Variants in EYS observed in about 807,000 individuals in gnomAD.
The protein encoded by EYS is protein eyes shut homolog.
EYS carries 250 observed loss-of-function variants against 282.1 expected under a neutral mutation model. The ratio of observed to expected loss-of-function variants is 0.89; its 90% confidence interval spans 0.80 to 0.98. EYS has a LOEUF of 0.98. Among genes scored for constraint, EYS ranks in the 50% least tolerant of loss-of-function variants. The pLI, the probability that EYS is intolerant of heterozygous loss-of-function variation, is 0.00. For missense variants in EYS, 4,016 were observed against 3,709.0 expected, an observed-to-expected ratio of 1.08 and a Z score of -2.15; for synonymous variants, 1,355 against 1,282.9, an observed-to-expected ratio of 1.06 and a Z score of -1.20.
chr6:64,754,806 A>G (rs1328649567), intron 22 of EYS, among the ~76,000 whole-genome samples: 3 of 152,144 alleles, frequency 2.0e-5, no homozygotes, highest in Non-Finnish European at 2.9e-5. Context: ...TCAAAAGTAT[A>G]AAAGCCATGT....
intron 22 of EYS, among the ~76,000 whole-genome samples, chr6:64,647,241 G>T (rs1458410118): frequency 6.6e-6 from 1 of 151,950 alleles, no homozygotes; most frequent in Non-Finnish European, 1.5e-5. Flanking sequence ...CCTGACAAAA[G>T]AATTTCTAAA....
chr6:64,963,660 T>C (rs2150107418), intron 14 of EYS, among the ~76,000 whole-genome samples: 1 of 152,252 alleles, frequency 6.6e-6, no homozygotes, highest in South Asian at 2.1e-4. Context: ...CTCATACAAT[T>C]TTAGCTATTC....
At chr6:64,854,960 GT>G (rs1018054207) in intron 19 of EYS, among the ~76,000 whole-genome samples, 1 of 151,924 alleles carries the variant, frequency 6.6e-6, no homozygotes, top group Non-Finnish European at 1.5e-5. Context: ...TGTGTTGACA[GT>G]TTTTTTAAAT....
intron 12 of EYS, among the ~76,000 whole-genome samples, chr6:65,213,477 A>G (rs191500189): frequency 2.6e-5 from 4 of 152,340 alleles, no homozygotes; most frequent in Admixed American, 2.6e-4. Context: ...TGGCTTTTCC[A>G]ACAGCATATG....
At chr6:64,049,188 C>T (rs541491717) in intron 33 of EYS, among the ~76,000 whole-genome samples, 17 of 152,196 alleles carry the variant, frequency 1.1e-4, no homozygotes, top group East Asian at 3.9e-4. Context: ...TTTAAACATA[C>T]GGAAAAGTTA....
At chr6:64,003,589 CTTAAAAA>C (rs1226424760) in intron 33 of EYS, among the ~76,000 whole-genome samples, 1 of 152,080 alleles carries the variant, frequency 6.6e-6, no homozygotes, top group African/African-American at 2.4e-5. Context: ...ACCCACAAAA[CTTAAAAA>C]TTAAAAAAAA....
chr6:65,700,785 C>A (rs1769646050), intron 1 of EYS, among the ~76,000 whole-genome samples: 1 of 152,132 alleles, frequency 6.6e-6, no homozygotes, highest in South Asian at 2.1e-4. Flanking sequence ...CACAGGAAAC[C>A]ATTTGTAATG....
intron 22 of EYS, among the ~76,000 whole-genome samples, chr6:64,660,367 G>T (rs1467447129): frequency 6.6e-6 from 1 of 151,764 alleles, no homozygotes; most frequent in Non-Finnish European, 1.5e-5. Flanking sequence ...ATTCAACATA[G>T]TGTTGGAAGT....
intron 14 of EYS, among the ~76,000 whole-genome samples, chr6:64,988,083 T>C (rs1770924489): frequency 6.6e-6 from 1 of 151,388 alleles, no homozygotes; most frequent in South Asian, 2.1e-4. Context: ...GTCTTGGTCT[T>C]TTAAGCACAG....
chr6:65,652,196 T>C (rs968432854), intron 1 of EYS, among the ~76,000 whole-genome samples: 1 of 151,984 alleles, frequency 6.6e-6, no homozygotes, highest in African/African-American at 2.4e-5. Flanking sequence ...AAAAGAAAAA[T>C]GCTTTTTGCA....
chr6:64,194,850 G>A (rs1383257064), intron 31 of EYS, among the ~76,000 whole-genome samples: 3 of 151,990 alleles, frequency 2.0e-5, no homozygotes, highest in Non-Finnish European at 1.5e-5. Flanking sequence ...TAATATAATT[G>A]TATTTACTTG....
intron 2 of EYS, among the ~76,000 whole-genome samples, chr6:65,556,160 G>T (rs1768791875): frequency 6.6e-6 from 1 of 151,920 alleles, no homozygotes; most frequent in African/African-American, 2.4e-5. Flanking sequence ...TCACATTATT[G>T]GTACCAACCT....
intron 5 of EYS, among the ~76,000 whole-genome samples, chr6:65,458,873 C>G (rs1764720026): frequency 6.6e-6 from 1 of 152,120 alleles, no homozygotes; most frequent in Admixed American, 6.6e-5. Flanking sequence ...AATAAAACAT[C>G]ATTGCAGGTA....
intron 28 of EYS, among the ~76,000 whole-genome samples, chr6:64,430,377 T>C (rs1424711694): frequency 1.3e-5 from 2 of 152,286 alleles, no homozygotes; most frequent in Admixed American, 6.5e-5. Flanking sequence ...AGTAGTTTAA[T>C]GGAAAGTAGA....
chr6:64,569,428 AAGACAAGATT>A (rs1169129795), intron 26 of EYS, among the ~76,000 whole-genome samples: 4 of 152,008 alleles, frequency 2.6e-5, no homozygotes, highest in African/African-American at 9.7e-5. Context: ...ATAAAGCATG[AAGACAAGATT>A]AGAGAAAAAA....
At chr6:64,537,725 G>C (rs1283443572) in intron 26 of EYS, among the ~76,000 whole-genome samples, 1 of 152,016 alleles carries the variant, frequency 6.6e-6, no homozygotes, top group African/African-American at 2.4e-5. Context: ...TGACAATTTT[G>C]TTATTTTAAC....
intron 5 of EYS, among the ~76,000 whole-genome samples, chr6:65,434,322 A>T (rs955994939): frequency 1.9e-4 from 28 of 144,642 alleles, no homozygotes; most frequent in African/African-American, 5.8e-4. Flanking sequence ...GGTTTGCATA[A>T]TTTTTTTTTT....
intron 1 of EYS, among the ~76,000 whole-genome samples, chr6:65,689,873 G>A (rs1359234778): frequency 6.7e-6 from 1 of 149,606 alleles, no homozygotes; most frequent in Non-Finnish European, 1.5e-5. Flanking sequence ...CAGACAGATC[G>A]GCAGGTCGAG....
At chr6:64,169,252 T>A (rs1764399294) in intron 31 of EYS, among the ~76,000 whole-genome samples, 1 of 152,054 alleles carries the variant, frequency 6.6e-6, no homozygotes, top group South Asian at 2.1e-4. Flanking sequence ...AGTTTCCCAA[T>A]GATTCAGTGG....
Sources: allele counts gnomAD v4.1 joint callset (sites outside exome capture counted in the v4.1 genomes callset), GRCh38; gene constraint gnomAD v4.1.1; transcripts MANE v1.5; gene names NCBI Gene and HGNC (gene_info 2026-07-23, HGNC 2026-07-21).